The following MAST4 variants were observed in gnomAD, a reference collection of about 807,000 sequenced individuals.
The protein encoded by MAST4 is microtubule associated serine/threonine kinase family member 4.
MAST4 carries 89 observed loss-of-function variants against 162.7 expected under a neutral mutation model. The ratio of observed to expected loss-of-function variants is 0.55; its 90% CI spans 0.46 to 0.65. The LOEUF (loss-of-function observed/expected upper bound fraction) is 0.65, where lower values mean the gene tolerates loss of function less well. Ranked by LOEUF, MAST4 falls within the 30% of genes least tolerant of loss-of-function variation. MAST4 has a pLI of 0.00. For synonymous variants in MAST4, 1,479 were observed against 1,361.1 expected (o/e 1.09, Z -1.91); for missense variants, 3,153 against 3,374.0 (o/e 0.93, Z 1.62).
At chr5:66,698,289 G>C (rs1749541301) in intron 1 of MAST4, among the ~76,000 whole-genome samples, 1 of 151,784 alleles carries the variant, frequency 6.6e-6, no homozygotes, top group Admixed American at 6.6e-5. Flanking sequence ...CAGCTCTGCT[G>C]TCCCATCTTA....
chr5:66,915,324 TTTC>T (rs1162221121), intron 4 of MAST4, among the ~76,000 whole-genome samples: 4 of 151,394 alleles, frequency 2.6e-5, no homozygotes, highest in Admixed American at 6.6e-5. Flanking sequence ...TGCTGTGAGA[TTTC>T]ATGTTTTCTT....
chr5:66,903,438 T>TTGTGTGTG (rs3042310), intron 4 of MAST4, among the ~76,000 whole-genome samples: 3,230 of 148,692 alleles, frequency 0.022, 63 homozygotes, highest in Middle Eastern at 0.092. Context: ...ACACCTGTGT[T>TTGTGTGTG]TGTGTGTGTG....
intron 1 of MAST4, among the ~76,000 whole-genome samples, chr5:66,610,824 A>G (rs1743242728): frequency 6.6e-6 from 1 of 152,202 alleles, no homozygotes; most frequent in Non-Finnish European, 1.5e-5. Flanking sequence ...GGCTCTGGGG[A>G]GCCTCTTGAA....
chr5:66,995,987 T>G (rs141765587), intron 4 of MAST4, among the ~76,000 whole-genome samples: 2 of 151,718 alleles, frequency 1.3e-5, no homozygotes, highest in African/African-American at 4.8e-5. Context: ...TCATTAAAAA[T>G]ACTTTGTTGG....
intron 4 of MAST4, among the ~76,000 whole-genome samples, chr5:67,002,636 T>C (rs1430348653): frequency 1.3e-5 from 2 of 152,226 alleles, no homozygotes; most frequent in Non-Finnish European, 2.9e-5. Context: ...CCTACATTTA[T>C]GCGCAGTGTG....
intron 4 of MAST4, among the ~76,000 whole-genome samples, chr5:66,912,249 C>G (rs1166603893): frequency 6.6e-6 from 1 of 152,130 alleles, no homozygotes; most frequent in African/African-American, 2.4e-5. Context: ...TTTCTCAGCT[C>G]CTTTTGGCCT....
At chr5:67,060,111 A>G (rs926559584) in intron 5 of MAST4, among the ~76,000 whole-genome samples, 1 of 152,148 alleles carries the variant, frequency 6.6e-6, no homozygotes, top group Non-Finnish European at 1.5e-5. Context: ...TAAACAGAAT[A>G]TCTTCATTAT....
chr5:66,980,636 GGT>G (rs1459686791), intron 4 of MAST4, among the ~76,000 whole-genome samples: 1 of 152,176 alleles, frequency 6.6e-6, no homozygotes, highest in Non-Finnish European at 1.5e-5. Flanking sequence ...TTTTTAGTAT[GGT>G]TCAACAAAGA....
At chr5:67,143,232 G>T (rs1470665485) in intron 21 of MAST4, among the ~76,000 whole-genome samples, 1 of 149,736 alleles carries the variant, frequency 6.7e-6, no homozygotes, top group Non-Finnish European at 1.5e-5. Context: ...ACCAGCCCGG[G>T]CAATATAGTG....
At chr5:66,952,834 C>T (rs1388593827) in intron 4 of MAST4, among the ~76,000 whole-genome samples, 1 of 152,204 alleles carries the variant, frequency 6.6e-6, no homozygotes, top group South Asian at 2.1e-4. Context: ...ATCTCATCTT[C>T]CCAGCCCGAT....
rs1449771872 is a variant in MAST4, at chr5:66,596,712, C to T, written c.57C>T (p.His19=). ...CGGTGCCCCGCGGCTGCAGTGGCCA[C>T]GGCAGCCGGACTCCAGCCTCTGCGC... is the stretch of plus-strand genomic sequence containing the variant. ...PEPVPRGCSG[H]GSRTPASALV... The change falls in exon 1 of 29, where the codon CAC becomes CAT. Residue 19 remains histidine, a synonymous_variant. Coordinates refer to ENST00000403625, the MANE Select transcript of MAST4 (RefSeq NM_001164664.2). 2 of 1,448,168 alleles carry T rather than the reference C, an allele frequency of 1.4e-6. No individual in the cohort carries two copies. Among genetic ancestry groups the T allele is most frequent in the Non-Finnish European group, 1.8e-6 (2 of 1,101,010 alleles). 89.7% of individuals were successfully genotyped at this position (1,448,168 alleles called of 1,614,324 possible). A position where few individuals can be genotyped will look rare whatever the true frequency, so the allele number is the denominator to read the frequency against.
At position 66,893,479 on chromosome 5, in the gene MAST4, C is replaced by T. The variant is rs1436740356; in HGVS notation, c.643-6472C>T. Among the ~76,000 whole-genome samples, 6 of 152,166 alleles carry T rather than the reference C, an allele frequency of 3.9e-5. No individual in the cohort carries two copies. In the East Asian group the frequency reaches 7.7e-4, roughly 20 times the overall value. Reference sequence around the variant, plus strand: ...CTGACCTCAAGTGATCCACACGTCTCGGCCTCCCAAAATCCTGAGAGATTA... The same window carrying T: ...CTGACCTCAAGTGATCCACACGTCTTGGCCTCCCAAAATCCTGAGAGATTA... On this transcript the variant is annotated intron_variant, in intron 3 of 28. Coordinates refer to ENST00000403625, the MANE Select transcript of MAST4 (RefSeq NM_001164664.2).
chr5:66,870,126 C>G (rs60908627), intron 3 of MAST4, among the ~76,000 whole-genome samples: 5,016 of 152,232 alleles, frequency 0.033, 273 homozygotes, highest in African/African-American at 0.11. Flanking sequence ...AGGGCATTAA[C>G]AGGATCGGTC....
At chr5:66,924,794 A>G (rs1217770025) in intron 4 of MAST4, among the ~76,000 whole-genome samples, 1 of 152,228 alleles carries the variant, frequency 6.6e-6, no homozygotes, top group African/African-American at 2.4e-5. Context: ...AAATTACCCC[A>G]TATTTTATCA....
chr5:66,620,415 A>G (rs891432082), intron 1 of MAST4, among the ~76,000 whole-genome samples: 2 of 152,312 alleles, frequency 1.3e-5, no homozygotes, highest in Admixed American at 1.3e-4. Flanking sequence ...TTTATTTGTA[A>G]TAATAAAAAG....
At chr5:66,872,175 GTTTGTTTGTTTT>G (rs1288651356) in intron 3 of MAST4, among the ~76,000 whole-genome samples, 1 of 143,220 alleles carries the variant, frequency 7.0e-6, no homozygotes, top group African/African-American at 2.5e-5. Flanking sequence ...TTGTTTGTTT[GTTTGTTTGTTTT>G]GAGTCAAAGT....
chr5:67,109,795 T>C (rs1766013816), intron 10 of MAST4, among the ~76,000 whole-genome samples: 1 of 152,180 alleles, frequency 6.6e-6, no homozygotes, highest in African/African-American at 2.4e-5. Context: ...GCTTAATGTG[T>C]CATAAACTTT....
chr5:66,997,259 C>CATATATAT (rs1243350967), intron 4 of MAST4, among the ~76,000 whole-genome samples: 3 of 151,752 alleles, frequency 2.0e-5, no homozygotes, highest in African/African-American at 7.3e-5. Flanking sequence ...TGTATGTGAC[C>CATATATAT]ATATATGGGT....
intron 3 of MAST4, among the ~76,000 whole-genome samples, chr5:66,878,407 A>G (rs1227321488): frequency 6.6e-6 from 1 of 152,216 alleles, no homozygotes; most frequent in Non-Finnish European, 1.5e-5. Flanking sequence ...CACATCTTCT[A>G]CCTACCTGGC....
Sources: gnomAD v4.1 joint callset for allele counts (sites outside exome capture counted in the v4.1 genomes callset) on GRCh38, gnomAD v4.1.1 for gene constraint, MANE v1.5 for transcripts, NCBI Gene and HGNC (gene_info 2026-07-23, HGNC 2026-07-21) for gene names.